TMPRSS4: variants seen among roughly 807,000 people sequenced by gnomAD.
TMPRSS4 encodes the protein transmembrane serine protease 4, also known as transmembrane protease serine 4.
In TMPRSS4, 45 loss-of-function variants were observed where a neutral mutation model predicts 56.4. The observed-to-expected ratio is 0.80, with a 90% CI of 0.63 to 1.02. The LOEUF is 1.02. TMPRSS4 is among the 50% of genes least tolerant of loss of function. The probability of loss-of-function intolerance (pLI) is 0.00; values close to 1 mark genes in which losing one functional copy is unlikely to be tolerated. For synonymous variants in TMPRSS4, 205 were observed against 211.0 expected (o/e 0.97, Z 0.25); for missense variants, 546 against 556.7 (o/e 0.98, Z 0.19).
At chr11:118,095,869 T>A (rs761798824) in intron 2 of TMPRSS4, among the ~76,000 whole-genome samples, 33 of 152,258 alleles carry the variant, frequency 2.2e-4, no homozygotes, top group Middle Eastern at 3.4e-3. Flanking sequence ...CTAGCTGCAG[T>A]GGGCAGGACA....
At chr11:118,078,765 G>A (rs1178265104) in intron 1 of TMPRSS4, among the ~76,000 whole-genome samples, 1 of 152,146 alleles carries the variant, frequency 6.6e-6, no homozygotes, top group Non-Finnish European at 1.5e-5. Context: ...TCAGAAGGCT[G>A]AGGCCAGCTC....
intron 1 of TMPRSS4, among the ~76,000 whole-genome samples, chr11:118,090,320 T>G (rs1303899533): frequency 1.3e-5 from 2 of 152,156 alleles, no homozygotes; most frequent in Non-Finnish European, 2.9e-5. Context: ...TTATGTACTG[T>G]GCATTGTAGG....
In TMPRSS4 at chr11:118,115,189, C is replaced by G. The variant is rs1947479163; in HGVS notation, c.1061C>G (p.Thr354Arg). ...GCGTCAGTCCAGGTCATTGACAGCA[C>G]ACGGTGCAATGCAGACGATGCGTAC... ...LQASVQVIDS[T>R]RCNADDAYQG... is the part of the protein sequence containing the mutation. The change falls in exon 11 of 13, where the codon ACA (threonine) becomes AGA (arginine). Residue 354 changes from threonine (T) to arginine (R), a missense_variant. Thr to Arg is a moderately conservative substitution (Grantham distance 71, BLOSUM62 -1). Transcript: ENST00000437212. 6.2e-7 allele frequency: 1 copy of G among 1,612,824 alleles called. No individual in the cohort carries two copies. Among genetic ancestry groups the G allele is most frequent in the East Asian group, 2.2e-5 (1 of 44,862 alleles).
At chr11:118,089,917 C>T (rs1945828555) in intron 1 of TMPRSS4, among the ~76,000 whole-genome samples, 1 of 152,136 alleles carries the variant, frequency 6.6e-6, no homozygotes, top group Non-Finnish European at 1.5e-5. Context: ...CACCATCTCA[C>T]TCACTGCAAC....
chr11:118,090,821 A>ACAC (rs1945894760), intron 1 of TMPRSS4, among the ~76,000 whole-genome samples: 10 of 140,428 alleles, frequency 7.1e-5, no homozygotes, highest in African/African-American at 2.6e-4. Context: ...CACACACACA[A>ACAC]ACACACACAC....
chr11:118,102,159 C>T (rs1167119067), intron 3 of TMPRSS4, among the ~76,000 whole-genome samples: 1 of 152,100 alleles, frequency 6.6e-6, no homozygotes, highest in Non-Finnish European at 1.5e-5. Context: ...CTCCCTCCTC[C>T]CGCCTCCCCC....
intron 3 of TMPRSS4, among the ~76,000 whole-genome samples, chr11:118,100,602 G>A (rs1213163359): frequency 6.6e-6 from 1 of 152,228 alleles, no homozygotes; most frequent in African/African-American, 2.4e-5. Flanking sequence ...CCTGGATGGT[G>A]TGAGATGCAG....
chr11:118,112,778 C>T (rs1397857464), intron 8 of TMPRSS4, among the ~76,000 whole-genome samples: 3 of 151,432 alleles, frequency 2.0e-5, no homozygotes, highest in East Asian at 1.9e-4. Flanking sequence ...TAGACCCCAC[C>T]GCTGTCTTCA....
intron 3 of TMPRSS4, among the ~76,000 whole-genome samples, chr11:118,099,995 A>G (rs548013946): frequency 2.6e-5 from 4 of 152,210 alleles, no homozygotes; most frequent in African/African-American, 9.6e-5. Context: ...TATCCACATG[A>G]GCACAGCAGG....
intron 12 of TMPRSS4, 198 bp downstream of exon 12, chr11:118,117,652 A>C: frequency 1.0e-6 from 1 of 985,046 alleles, no homozygotes; most frequent in Non-Finnish European, 1.2e-6. Context: ...GATAAATGCA[A>C]ATACCTTAGG....
At position 118,120,394 on chromosome 11, in the gene TMPRSS4, G is replaced by A. The variant is rs905610774; in HGVS notation, c.*2481G>A. On this transcript the variant is annotated 3_prime_UTR_variant, in exon 13 of 13. Transcript: ENST00000437212. ...GAATTTTTTGAGGAACTGATATATTGCTTTCCATAGAGACTGCACCATTTT... is the reference window on the plus strand; with the variant it reads ...GAATTTTTTGAGGAACTGATATATTACTTTCCATAGAGACTGCACCATTTT... The A allele has an allele frequency of 1.3e-5, 2 of 152,056 alleles. No individual in the cohort carries two copies. Among genetic ancestry groups the A allele is most frequent in the Non-Finnish European group, 2.9e-5 (2 of 68,020 alleles). The allele number at this position is 152,056 out of a possible 1,614,324, so 9.4% of individuals were successfully genotyped here. A position where few individuals can be genotyped will look rare whatever the true frequency, so the allele number is the denominator to read the frequency against.
chr11:118,086,170 A>C (rs181706960), intron 1 of TMPRSS4, among the ~76,000 whole-genome samples: 111 of 152,368 alleles, frequency 7.3e-4, no homozygotes, highest in Non-Finnish European at 1.0e-3. Context: ...AAATAGGAAT[A>C]GTTACATCTT....
chr11:118,095,125 T>TC, intron 2 of TMPRSS4: 2 of 495,648 alleles, frequency 4.0e-6, no homozygotes, highest in Non-Finnish European at 7.4e-6. Flanking sequence ...GTCACTCTTA[T>TC]CCTTTCAGTA....
At chr11:118,102,277 T>C (rs1194848210) in intron 3 of TMPRSS4, among the ~76,000 whole-genome samples, 1 of 152,212 alleles carries the variant, frequency 6.6e-6, no homozygotes, top group Non-Finnish European at 1.5e-5. Context: ...CTATACTTGA[T>C]AGTTACGAGA....
chr11:118,101,780 GA>G (rs1336233697), intron 3 of TMPRSS4, among the ~76,000 whole-genome samples: 3 of 152,062 alleles, frequency 2.0e-5, no homozygotes. Flanking sequence ...TGCATGGCCA[GA>G]AAAAGTGTTA....
chr11:118,096,937 AG>A (rs1429590049), intron 2 of TMPRSS4, among the ~76,000 whole-genome samples: 10 of 86,018 alleles, frequency 1.2e-4, no homozygotes, highest in Non-Finnish European at 2.3e-4. Context: ...AGAAAGAAAG[AG>A]AAAGAAAGAA....
chr11:118,109,110 C>T (rs796805724), intron 7 of TMPRSS4, among the ~76,000 whole-genome samples: 31 of 152,304 alleles, frequency 2.0e-4, no homozygotes, highest in African/African-American at 6.7e-4. Context: ...CAGTTTCCCC[C>T]TTCTACCATC....
chr11:118,104,595 G>A (rs965101395), intron 4 of TMPRSS4, 96 bp from the exon 5 acceptor site: 3 of 1,578,570 alleles, frequency 1.9e-6, no homozygotes, highest in Non-Finnish European at 2.6e-6. Context: ...CCCAGTTCTA[G>A]GTTGGGGGAG....
In TMPRSS4 at chr11:118,097,067, G is replaced by GAA. The variant is rs369131999; in HGVS notation, c.44-1917_44-1916insAA. Among the ~76,000 whole-genome samples the GAA allele has an allele frequency of 5.7e-3, 865 of 151,352 alleles. 78 individuals carry two copies. Among genetic ancestry groups the GAA allele is most frequent in the African/African-American group, 0.02 (827 of 41,052 alleles). On this transcript the variant is annotated intron_variant, in intron 2 of 12. Transcript: ENST00000437212. The stretch of plus-strand genomic sequence containing the variant: ...GAAAGGAAAGGAAAGGAAAGGAAAG[G>GAA]AGGTAGTAGAAGGGACGTACTTAAG...
Sources: gnomAD v4.1 joint callset for allele counts (sites outside exome capture counted in the v4.1 genomes callset) on GRCh38, gnomAD v4.1.1 for gene constraint, MANE v1.5 for transcripts, NCBI Gene and HGNC (gene_info 2026-07-23, HGNC 2026-07-21) for gene names.